NRG1: variants seen among roughly 807,000 people sequenced by gnomAD.
NRG1 encodes neuregulin 1.
Under a neutral mutation model 63.8 loss-of-function variants are expected in NRG1, and 18 were observed. The observed-to-expected ratio is 0.28, with a 90% CI of 0.19 to 0.42. The LOEUF (loss-of-function observed/expected upper bound fraction) is 0.42. Among genes scored for constraint, NRG1 ranks in the 10% least tolerant of loss-of-function variants. The pLI is 1.00. For missense variants in NRG1, 762 were observed against 814.7 expected, an observed-to-expected ratio of 0.94 and a Z score of 0.79; for synonymous variants, 302 against 301.3, an observed-to-expected ratio of 1.00 and a Z score of -0.02.
At chr8:31,940,767 A>C (rs1801630595) in intron 1 of NRG1, among the ~76,000 whole-genome samples, 2 of 152,156 alleles carry the variant, frequency 1.3e-5, no homozygotes, top group African/African-American at 4.8e-5. Flanking sequence ...GCTACTATGA[A>C]CACCTTTACA....
chr8:32,182,622 T>C (rs1310577418), intron 1 of NRG1, among the ~76,000 whole-genome samples: 1 of 152,202 alleles, frequency 6.6e-6, no homozygotes, highest in Non-Finnish European at 1.5e-5. Flanking sequence ...TCTCGCACTC[T>C]CACTGTCTCT....
chr8:32,383,997 GGC>G (rs1810678793), intron 1 of NRG1, among the ~76,000 whole-genome samples: 1 of 152,206 alleles, frequency 6.6e-6, no homozygotes, highest in African/African-American at 2.4e-5. Flanking sequence ...CATTTTGGGA[GGC>G]CAAGGAGGGA....
intron 1 of NRG1, among the ~76,000 whole-genome samples, chr8:31,859,605 G>T (rs1325429881): frequency 6.6e-6 from 1 of 152,112 alleles, no homozygotes; most frequent in Admixed American, 6.6e-5. Flanking sequence ...CATAACTATT[G>T]AAGAATAAAA....
chr8:31,951,888 C>T (rs769466364), intron 1 of NRG1, among the ~76,000 whole-genome samples: 8 of 152,120 alleles, frequency 5.3e-5, no homozygotes, highest in African/African-American at 7.2e-5. Flanking sequence ...TCTTGGTTTA[C>T]GTCAAGCAAG....
intron 1 of NRG1, among the ~76,000 whole-genome samples, chr8:32,553,166 CT>C (rs1261125269): frequency 3.3e-5 from 5 of 151,954 alleles, no homozygotes; most frequent in Non-Finnish European, 5.9e-5. Flanking sequence ...CCTAAATTTC[CT>C]TTTTCTGCAA....
intron 1 of NRG1, among the ~76,000 whole-genome samples, chr8:31,700,143 A>G (rs1810487778): frequency 6.6e-6 from 1 of 152,134 alleles, no homozygotes; most frequent in East Asian, 1.9e-4. Context: ...TTTGCCTTTA[A>G]GAAAAATGTG....
At chr8:32,589,008 G>A (rs909311333) in intron 1 of NRG1, among the ~76,000 whole-genome samples, 1 of 152,150 alleles carries the variant, frequency 6.6e-6, no homozygotes, top group Non-Finnish European at 1.5e-5. Flanking sequence ...AACAAATAAT[G>A]ATCTTGTTGG....
chr8:31,713,015 A>ATCCATCCATCCT (rs1563319377), intron 1 of NRG1, among the ~76,000 whole-genome samples: 17 of 116,932 alleles, frequency 1.5e-4, no homozygotes, highest in South Asian at 7.4e-4. Flanking sequence ...CCATCCATCC[A>ATCCATCCATCCT]TCCATCCATC....
intron 1 of NRG1, among the ~76,000 whole-genome samples, chr8:31,909,663 G>T (rs1006494884): frequency 6.6e-6 from 1 of 152,170 alleles, no homozygotes; most frequent in Non-Finnish European, 1.5e-5. Context: ...CTGTGGGAGG[G>T]TGTGGCTGTT....
At chr8:32,065,939 A>C (rs1217468485) in intron 1 of NRG1, among the ~76,000 whole-genome samples, 1 of 152,208 alleles carries the variant, frequency 6.6e-6, no homozygotes, top group Non-Finnish European at 1.5e-5. Context: ...ATGGCCAGTG[A>C]TGATGAGCAT....
chr8:31,846,911 G>T (rs1826742264), intron 1 of NRG1, among the ~76,000 whole-genome samples: 1 of 152,166 alleles, frequency 6.6e-6, no homozygotes, highest in Non-Finnish European at 1.5e-5. Flanking sequence ...AAGCACTATA[G>T]GTGGTAATGT....
intron 1 of NRG1, among the ~76,000 whole-genome samples, chr8:32,015,131 C>A (rs1815316245): frequency 6.6e-6 from 1 of 152,138 alleles, no homozygotes; most frequent in African/African-American, 2.4e-5. Flanking sequence ...TCAGCCCCAG[C>A]AAACAAATAC....
intron 1 of NRG1, among the ~76,000 whole-genome samples, chr8:32,333,717 G>A (rs1033209966): frequency 2.6e-5 from 4 of 152,048 alleles, no homozygotes; most frequent in Non-Finnish European, 5.9e-5. Flanking sequence ...TTAAAGATAC[G>A]TACAATGGAA....
At chr8:32,352,486 C>T (rs559080714) in intron 1 of NRG1, among the ~76,000 whole-genome samples, 5 of 151,956 alleles carry the variant, frequency 3.3e-5, no homozygotes, top group Non-Finnish European at 5.9e-5. Context: ...CTTCAAGACC[C>T]AAACTTTTCT....
chr8:32,096,446 C>T lies in NRG1; in HGVS notation c.37+457015C>T, dbSNP rs141429723. Among the ~76,000 whole-genome samples, 18 of 152,246 alleles carry T rather than the reference C, an allele frequency of 1.2e-4. 1 individual carries two copies. The East Asian group carries it at 3.5e-3, about 29-fold the overall frequency. On this transcript the variant is annotated intron_variant, in intron 1 of 10. Coordinates refer to the NRG1 transcript ENST00000519301. ...GTGTTGGGAACATTTCAGATCTGTTCTTCTAGCTATCTGGAAATATAAAAT... is the reference window on the plus strand; with the variant it reads ...GTGTTGGGAACATTTCAGATCTGTTTTTCTAGCTATCTGGAAATATAAAAT...
chr8:32,538,884 G>T (rs1832296330), intron 1 of NRG1, among the ~76,000 whole-genome samples: 1 of 152,198 alleles, frequency 6.6e-6, no homozygotes, highest in Non-Finnish European at 1.5e-5. Flanking sequence ...AATAATGCAA[G>T]TGTTAAACTG....
Position 32,744,302 on chromosome 8 carries a change from A to C in NRG1, c.691+1569A>C, listed in dbSNP as rs552800416. On this transcript the variant is annotated intron_variant, in intron 7 of 11. Transcript: ENST00000356819. ...GTATTTATTTATTTACATAGGCTACATATCAAAGACAACTTCGTAGGCCAT... is the reference window on the plus strand; with the variant it reads ...GTATTTATTTATTTACATAGGCTACCTATCAAAGACAACTTCGTAGGCCAT... Among the ~76,000 whole-genome samples, 27 of 152,268 alleles carry C rather than the reference A, an allele frequency of 1.8e-4. No individual in the cohort carries two copies. In the South Asian group the frequency reaches 5.2e-3, roughly 29 times the overall value.
In NRG1 at chr8:32,764,115, C is replaced by T. The variant is rs114185597; in HGVS notation, c.1627C>T (p.Arg543Trp). ...TGTTAAGAAACTCGCCAATAGCCGGCGGGCCAAAAGAACCAAGCCCAATGG... is the reference window on the plus strand; with the variant it reads ...TGTTAAGAAACTCGCCAATAGCCGGTGGGCCAAAAGAACCAAGCCCAATGG... Residue 543 changes from arginine (R) to tryptophan (W), a missense_variant, in exon 12 of 12, where the codon CGG becomes TGG. By Grantham distance (101) the Arg-to-Trp change is moderately radical. Transcript: ENST00000356819. 1.9e-5 allele frequency: 30 copies of T among 1,613,932 alleles called. No individual in the cohort carries two copies. The Admixed American group carries it at 2.3e-4, about 13-fold the overall frequency.
chr8:31,954,124 T>C (rs1295469748), intron 1 of NRG1, among the ~76,000 whole-genome samples: 1 of 152,208 alleles, frequency 6.6e-6, no homozygotes, highest in Non-Finnish European at 1.5e-5. Context: ...TCCTTCTTTT[T>C]CCCATCCCTC....
Sources: gnomAD v4.1 joint callset for allele counts (sites outside exome capture counted in the v4.1 genomes callset) on GRCh38, gnomAD v4.1.1 for gene constraint, MANE v1.5 for transcripts, NCBI Gene and HGNC (gene_info 2026-07-23, HGNC 2026-07-21) for gene names.